The following CDH13 variants were observed in gnomAD, a reference collection of about 807,000 sequenced individuals.
The protein encoded by CDH13 is cadherin-13.
In CDH13, 24 loss-of-function variants were observed where a neutral mutation model predicts 63.8. The observed-to-expected ratio is 0.38, with a 90% CI of 0.27 to 0.53. CDH13 has a LOEUF of 0.53. Ranked by LOEUF, CDH13 falls within the 20% of genes least tolerant of loss-of-function variation. CDH13 has a pLI of 0.85. For synonymous variants in CDH13, 503 were observed against 355.3 expected, an observed-to-expected ratio of 1.42 and a Z score of -4.67; for missense variants, 1,049 against 903.1, an observed-to-expected ratio of 1.16 and a Z score of -2.07.
chr16:82,749,134 G>A (rs1022319954), intron 1 of CDH13, among the ~76,000 whole-genome samples: 4 of 152,056 alleles, frequency 2.6e-5, no homozygotes, highest in Middle Eastern at 3.4e-3. Flanking sequence ...TAAAAAGCCC[G>A]ACAGAGCCAA....
intron 7 of CDH13, among the ~76,000 whole-genome samples, chr16:83,572,119 C>A (rs531403778): frequency 1.3e-5 from 2 of 151,956 alleles, no homozygotes; most frequent in Non-Finnish European, 2.9e-5. Flanking sequence ...TTTATTTTTA[C>A]AGTCATCATC....
rs571565652 is a variant in CDH13 at position 83,215,073 on chromosome 16, C to CTTTT, written c.484-2254_484-2251dup. ...TTTCATCAGAGAGTATCAAACACCT[C>CTTTT]TTTTTTTTTTTTTTTTTTTTTGAGA... On this transcript the variant is annotated intron_variant, in intron 4 of 13. Coordinates refer to ENST00000567109, the MANE Select transcript of CDH13 (RefSeq NM_001257.5). 2.7e-3 allele frequency among the ~76,000 whole-genome samples: 152 copies of CTTTT among 56,220 alleles called. 33 individuals are homozygous for CTTTT. The highest frequency in any genetic ancestry group is 9.6e-3 in the African/African-American group (133 of 13,892). The allele number at this position is 56,220 out of a possible 152,430, so 36.9% of individuals were successfully genotyped here.
chr16:83,063,223 A>G (rs894455945), intron 3 of CDH13, among the ~76,000 whole-genome samples: 5 of 152,002 alleles, frequency 3.3e-5, no homozygotes, highest in African/African-American at 1.2e-4. Context: ...CAGCCTCCCA[A>G]AGTGCTGGAA....
At chr16:83,626,700 C>T (rs1910337270) in intron 8 of CDH13, among the ~76,000 whole-genome samples, 1 of 152,072 alleles carries the variant, frequency 6.6e-6, no homozygotes, top group Non-Finnish European at 1.5e-5. Flanking sequence ...GACTTTGCCT[C>T]CTACTTCCAA....
chr16:83,546,996 A>G (rs2075398683), intron 7 of CDH13, among the ~76,000 whole-genome samples: 2 of 152,330 alleles, frequency 1.3e-5, no homozygotes, highest in East Asian at 1.9e-4. Context: ...GCCTGGCTTC[A>G]ACTTCAAGGA....
chr16:83,065,701 C>G (rs1260444049), intron 3 of CDH13, among the ~76,000 whole-genome samples: 4 of 134,110 alleles, frequency 3.0e-5, no homozygotes, highest in East Asian at 4.4e-4. Flanking sequence ...CGAGATTTGT[C>G]TCAAAAAAAA....
intron 2 of CDH13, among the ~76,000 whole-genome samples, chr16:83,008,952 A>C (rs1212585384): frequency 6.6e-6 from 1 of 152,138 alleles, no homozygotes; most frequent in African/African-American, 2.4e-5. Context: ...TGGTGGCAGG[A>C]GGAAGAATGA....
At chr16:83,333,990 T>C (rs1284855589) in intron 5 of CDH13, among the ~76,000 whole-genome samples, 1 of 152,128 alleles carries the variant, frequency 6.6e-6, no homozygotes, top group Admixed American at 6.5e-5. Flanking sequence ...CAGGGTAAAA[T>C]CAAGGTGTCC....
chr16:82,730,183 C>A (rs1230324285), intron 1 of CDH13, among the ~76,000 whole-genome samples: 5 of 152,176 alleles, frequency 3.3e-5, no homozygotes, highest in Admixed American at 1.3e-4. Flanking sequence ...CAAGAGCTTT[C>A]TTTTGCATTC....
At chr16:82,676,749 G>C (rs562540640) in intron 1 of CDH13, among the ~76,000 whole-genome samples, 1 of 152,116 alleles carries the variant, frequency 6.6e-6, no homozygotes, top group East Asian at 1.9e-4. Context: ...TCTGAGACCA[G>C]CCCCTCCATT....
chr16:83,721,183 C>T (rs1240606460), intron 10 of CDH13: 2 of 152,346 alleles, frequency 1.3e-5, no homozygotes, highest in South Asian at 4.1e-4. Context: ...CTGAAGGTCA[C>T]CACCAGTAGC....
intron 3 of CDH13, among the ~76,000 whole-genome samples, chr16:83,083,465 G>T (rs747975513): frequency 2.0e-5 from 3 of 152,112 alleles, no homozygotes; most frequent in Non-Finnish European, 2.9e-5. Context: ...CAAAATCCTT[G>T]CCCCCATGTT....
intron 5 of CDH13, among the ~76,000 whole-genome samples, chr16:83,286,510 C>G (rs1054675691): frequency 6.6e-6 from 1 of 152,068 alleles, no homozygotes; most frequent in Non-Finnish European, 1.5e-5. Flanking sequence ...AATCCCAGCA[C>G]TTTGGGAGGC....
intron 11 of CDH13, among the ~76,000 whole-genome samples, chr16:83,763,568 C>T (rs1231659546): frequency 6.6e-6 from 1 of 152,094 alleles, no homozygotes; most frequent in Non-Finnish European, 1.5e-5. Context: ...AAGCTCTAGA[C>T]TGCAGGGGGG....
intron 7 of CDH13, among the ~76,000 whole-genome samples, chr16:83,571,728 C>T (rs560450102): frequency 6.6e-6 from 1 of 152,322 alleles, no homozygotes; most frequent in East Asian, 1.9e-4. Flanking sequence ...TAATTCACCC[C>T]TCAATTACTC....
chr16:83,679,482 C>G lies in CDH13; in HGVS notation c.1538+1021C>G, dbSNP rs1209627671. 5.3e-5 allele frequency among the ~76,000 whole-genome samples: 8 copies of G among 152,280 alleles called. 2 individuals are homozygous for G. Among genetic ancestry groups the G allele is most frequent in the Admixed American group, 4.6e-4 (7 of 15,298 alleles). On this transcript the variant is annotated intron_variant, in intron 10 of 13. Coordinates refer to ENST00000567109, the MANE Select transcript of CDH13 (RefSeq NM_001257.5). Reference sequence around the variant, plus strand: ...GTCAACCACTTTACTTTAGAGCAAGCCGGTGGAGAAGAAGCAGAAGTTATT... The same window carrying G: ...GTCAACCACTTTACTTTAGAGCAAGGCGGTGGAGAAGAAGCAGAAGTTATT...
intron 4 of CDH13, among the ~76,000 whole-genome samples, chr16:83,137,872 G>GTT (rs34202944): frequency 3.3e-4 from 49 of 149,256 alleles, no homozygotes; most frequent in African/African-American, 5.2e-4. Flanking sequence ...TGTTTTTTAG[G>GTT]TTTTTTTTTT....
chr16:82,877,143 G>GTAT (rs1165606839), intron 2 of CDH13, among the ~76,000 whole-genome samples: 1 of 152,196 alleles, frequency 6.6e-6, no homozygotes, highest in East Asian at 1.9e-4. Context: ...TGTAGGGAGG[G>GTAT]TATAGCCTCA....
At chr16:83,121,689 A>G (rs34385540) in intron 3 of CDH13, among the ~76,000 whole-genome samples, 60,554 of 152,066 alleles carry the variant, frequency 0.4, 13,570 homozygotes, top group Admixed American at 0.54. Flanking sequence ...CTTATAAATC[A>G]TGTCTCACTA....
Sources: allele counts gnomAD v4.1 joint callset (sites outside exome capture counted in the v4.1 genomes callset), GRCh38; gene constraint gnomAD v4.1.1; transcripts MANE v1.5; gene names NCBI Gene and HGNC (gene_info 2026-07-23, HGNC 2026-07-21).